Variants in GADL1 observed in about 807,000 individuals in gnomAD.
The protein encoded by GADL1 is acidic amino acid decarboxylase GADL1.
A neutral mutation model predicts 69.5 loss-of-function variants in GADL1; 71 were observed. The ratio of observed to expected loss-of-function variants is 1.02; its 90% CI spans 0.84 to 1.25. The LOEUF is 1.25. Ranked by LOEUF, GADL1 falls within the 50% of genes most tolerant of loss-of-function variation. GADL1 has a pLI of 0.00. For synonymous variants in GADL1, 254 were observed against 214.4 expected (o/e 1.18, Z -1.62); for missense variants, 737 against 631.8 (o/e 1.17, Z -1.79).
intron 4 of GADL1, among the ~76,000 whole-genome samples, chr3:30,853,231 G>A (rs146944619): frequency 1.3e-3 from 201 of 152,108 alleles, no homozygotes; most frequent in Non-Finnish European, 2.2e-3. Flanking sequence ...CTTTATCTTG[G>A]CTTCCCATTG....
intron 11 of GADL1, among the ~76,000 whole-genome samples, chr3:30,805,379 C>T (rs1221714313): frequency 6.6e-6 from 1 of 152,104 alleles, no homozygotes; most frequent in Non-Finnish European, 1.5e-5. Flanking sequence ...TTTGGAGAGG[C>T]TGGTGAAAAG....
intron 14 of GADL1, among the ~76,000 whole-genome samples, chr3:30,737,146 T>G (rs547415959): frequency 4.6e-5 from 7 of 152,302 alleles, no homozygotes; most frequent in African/African-American, 1.7e-4. Context: ...TTCAGTCGAA[T>G]AAGCCTAGTG....
intron 12 of GADL1, chr3:30,798,846 G>C (rs1269399574): frequency 6.6e-6 from 1 of 152,168 alleles, no homozygotes; most frequent in Admixed American, 6.5e-5. Context: ...GGAGAAATTG[G>C]TCAAAACAAA....
At chr3:30,745,397 A>G (rs1279126264) in intron 14 of GADL1, among the ~76,000 whole-genome samples, 2 of 152,248 alleles carry the variant, frequency 1.3e-5, no homozygotes, top group East Asian at 1.9e-4. Context: ...TGACATGGAA[A>G]TGCTTTATTT....
At chr3:30,767,623 C>T (rs909537280) in intron 14 of GADL1, among the ~76,000 whole-genome samples, 2 of 152,028 alleles carry the variant, frequency 1.3e-5, no homozygotes, top group African/African-American at 4.8e-5. Context: ...AATTGAATGA[C>T]AGTAAAGCCA....
intron 14 of GADL1, among the ~76,000 whole-genome samples, chr3:30,739,032 C>G (rs1695578348): frequency 6.6e-6 from 1 of 152,192 alleles, no homozygotes; most frequent in African/African-American, 2.4e-5. Flanking sequence ...GGCATAAAGG[C>G]AAAACTCCTA....
intron 14 of GADL1, among the ~76,000 whole-genome samples, chr3:30,759,173 AAGC>A (rs1319179057): frequency 6.6e-6 from 1 of 152,202 alleles, no homozygotes; most frequent in African/African-American, 2.4e-5. Context: ...ATTGGAGCAG[AAGC>A]AGCAGCTCCC....
intron 11 of GADL1, among the ~76,000 whole-genome samples, chr3:30,818,146 G>A (rs1215774069): frequency 3.3e-5 from 5 of 152,128 alleles, no homozygotes; most frequent in Middle Eastern, 3.4e-3. Context: ...GCTCCATCCC[G>A]CTGCCCTACC....
At chr3:30,774,630 TATA>T (rs1232179297) in intron 14 of GADL1, among the ~76,000 whole-genome samples, 2 of 152,206 alleles carry the variant, frequency 1.3e-5, no homozygotes, top group Non-Finnish European at 2.9e-5. Context: ...CAAGTATTTA[TATA>T]ATAAAACTTT....
chr3:30,774,886 A>G (rs1696497029), intron 14 of GADL1, among the ~76,000 whole-genome samples: 1 of 152,184 alleles, frequency 6.6e-6, no homozygotes, highest in Non-Finnish European at 1.5e-5. Flanking sequence ...TGACATGAAG[A>G]AGCAGAGACG....
chr3:30,770,816 G>A (rs1393816494), intron 14 of GADL1, among the ~76,000 whole-genome samples: 1 of 92,588 alleles, frequency 1.1e-5, no homozygotes, highest in Non-Finnish European at 1.9e-5. Flanking sequence ...ACAGAAACAA[G>A]AGAAGAGAGG....
intron 14 of GADL1, among the ~76,000 whole-genome samples, chr3:30,777,865 G>A (rs1559496979): frequency 2.0e-5 from 3 of 152,112 alleles, no homozygotes; most frequent in African/African-American, 7.2e-5. Context: ...TAGCAGAGTT[G>A]AAATAAATAG....
intron 11 of GADL1, among the ~76,000 whole-genome samples, chr3:30,813,550 CA>C (rs988203619): frequency 1.3e-5 from 2 of 152,172 alleles, no homozygotes; most frequent in African/African-American, 4.8e-5. Context: ...GGTTCCTTCT[CA>C]AATAGAATTT....
At chr3:30,890,698 A>G (rs1426634187) in intron 1 of GADL1, among the ~76,000 whole-genome samples, 1 of 152,028 alleles carries the variant, frequency 6.6e-6, no homozygotes, top group East Asian at 1.9e-4. Flanking sequence ...CAGCTAGTGG[A>G]TATTCTTCAT....
chr3:30,827,390 C>T (rs924547299), intron 11 of GADL1, among the ~76,000 whole-genome samples: 1 of 151,240 alleles, frequency 6.6e-6, no homozygotes, highest in Non-Finnish European at 1.5e-5. Flanking sequence ...ATCACAATTA[C>T]ATAACAAATC....
At position 30,894,655 on chromosome 3, in the gene GADL1, G is replaced by A. The variant is rs376318174; in HGVS notation, c.-41C>T. 1.3e-5 allele frequency: 20 copies of A among 1,541,006 alleles called. No individual in the cohort carries two copies. The highest frequency in any genetic ancestry group is 2.0e-5 in the Admixed American group (1 of 50,748). Reference sequence around the variant, plus strand: ...CCAGGCTGCCCCGGGCGCGGCTCCCGCAGTCTGGGCGGCGACGGTGGTTGC... The same window carrying A: ...CCAGGCTGCCCCGGGCGCGGCTCCCACAGTCTGGGCGGCGACGGTGGTTGC... On this transcript the variant is annotated 5_prime_UTR_variant, in exon 1 of 15. Coordinates refer to ENST00000282538, the MANE Select transcript of GADL1 (RefSeq NM_207359.3).
At chr3:30,734,798 C>T (rs1163650282) in intron 14 of GADL1, among the ~76,000 whole-genome samples, 1 of 152,138 alleles carries the variant, frequency 6.6e-6, no homozygotes, top group Non-Finnish European at 1.5e-5. Flanking sequence ...TTTGCCCTCC[C>T]AACACAGCTT....
At chr3:30,781,201 G>C (rs1165412371) in intron 13 of GADL1, among the ~76,000 whole-genome samples, 1 of 152,132 alleles carries the variant, frequency 6.6e-6, no homozygotes, top group Non-Finnish European at 1.5e-5. Context: ...TGATAAAGGA[G>C]TAATGTGCCA....
intron 14 of GADL1, among the ~76,000 whole-genome samples, chr3:30,765,020 C>A (rs1484918598): frequency 7.0e-6 from 1 of 143,598 alleles, no homozygotes; most frequent in African/African-American, 2.6e-5. Flanking sequence ...CATCTGTAGT[C>A]ACAACTGCAA....
Sources: allele counts gnomAD v4.1 joint callset (sites outside exome capture counted in the v4.1 genomes callset), GRCh38; gene constraint gnomAD v4.1.1; transcripts MANE v1.5; gene names NCBI Gene and HGNC (gene_info 2026-07-23, HGNC 2026-07-21).